The following MYRIP variants were observed in gnomAD, a reference collection of about 807,000 sequenced individuals.
The protein encoded by MYRIP is rab effector MyRIP.
A neutral mutation model predicts 98.0 loss-of-function variants in MYRIP; 49 were observed. The ratio of observed to expected loss-of-function variants is 0.50; its 90% CI spans 0.40 to 0.63. The LOEUF (loss-of-function observed/expected upper bound fraction) is 0.63, where lower values mean the gene tolerates loss of function less well. Ranked by LOEUF, MYRIP falls within the 30% of genes least tolerant of loss-of-function variation. The probability of loss-of-function intolerance (pLI) is 0.00; values close to 1 mark genes in which losing one functional copy is unlikely to be tolerated. For missense variants in MYRIP, 1,004 were observed against 1,058.2 expected, an observed-to-expected ratio of 0.95 and a Z score of 0.71; for synonymous variants, 404 against 409.5, an observed-to-expected ratio of 0.99 and a Z score of 0.16.
At chr3:40,171,729 C>G (rs763532554) in intron 8 of MYRIP, among the ~76,000 whole-genome samples, 1 of 152,254 alleles carries the variant, frequency 6.6e-6, no homozygotes, top group Non-Finnish European at 1.5e-5. Context: ...TAAAGGATGG[C>G]TCCAAGGATT....
chr3:40,144,507 C>T lies in MYRIP; in HGVS notation c.333-6541C>T, dbSNP rs145864593. Among the ~76,000 whole-genome samples, 381 of 152,330 alleles carry T rather than the reference C, an allele frequency of 2.5e-3. 3 individuals are homozygous for T. Among genetic ancestry groups the T allele is most frequent in the African/African-American group, 8.7e-3 (360 of 41,580 alleles). On this transcript the variant is annotated intron_variant, in intron 3 of 16. Transcript: ENST00000302541. ...GGGGCACAGTAACAACTATCCTCCA[C>T]TGATACCATGTGGACCCTTCCAGCT...
chr3:40,019,362 G>T (rs188395931), intron 2 of MYRIP, among the ~76,000 whole-genome samples: 42 of 152,132 alleles, frequency 2.8e-4, no homozygotes, highest in Non-Finnish European at 5.6e-4. Flanking sequence ...TTTGTACAAG[G>T]TGTCTTCTCT....
chr3:40,082,936 C>T (rs557345557), intron 3 of MYRIP, among the ~76,000 whole-genome samples: 61 of 152,200 alleles, frequency 4.0e-4, no homozygotes, highest in Middle Eastern at 3.4e-3. Flanking sequence ...TAAAATAGGC[C>T]AGAATAATAT....
At chr3:40,141,408 C>T (rs981883304) in intron 3 of MYRIP, among the ~76,000 whole-genome samples, 4 of 152,136 alleles carry the variant, frequency 2.6e-5, no homozygotes, top group Non-Finnish European at 5.9e-5. Flanking sequence ...GTTGTCTTTT[C>T]ACTCTGTCAG....
At chr3:40,210,899 T>C (rs1319111564) in intron 11 of MYRIP, among the ~76,000 whole-genome samples, 1 of 152,164 alleles carries the variant, frequency 6.6e-6, no homozygotes, top group Non-Finnish European at 1.5e-5. Context: ...CAAAGCACAT[T>C]TATGCTAGAC....
At chr3:40,058,958 G>T (rs536699595) in intron 3 of MYRIP, among the ~76,000 whole-genome samples, 1,572 of 57,960 alleles carry the variant, frequency 0.027, 9 homozygotes, top group Admixed American at 0.053. Context: ...AACAGGCCCC[G>T]GTGTGTGATG....
chr3:40,180,485 C>T (rs1012790747), intron 8 of MYRIP, among the ~76,000 whole-genome samples: 3 of 152,174 alleles, frequency 2.0e-5, no homozygotes, highest in Non-Finnish European at 4.4e-5. Context: ...AACATAAGTA[C>T]AGAAGAAGCC....
At chr3:40,119,513 G>A (rs62261794) in intron 3 of MYRIP, among the ~76,000 whole-genome samples, 8,484 of 152,254 alleles carry the variant, frequency 0.056, 341 homozygotes, top group Non-Finnish European at 0.083. Flanking sequence ...CTGGAGACGG[G>A]AACTGGAGGT....
chr3:40,217,786 A>G (rs1952169630), intron 11 of MYRIP, among the ~76,000 whole-genome samples: 1 of 152,172 alleles, frequency 6.6e-6, no homozygotes, highest in African/African-American at 2.4e-5. Flanking sequence ...TTACTATTAA[A>G]TGACAGAAAG....
chr3:40,140,768 A>C (rs1949875815), intron 3 of MYRIP, among the ~76,000 whole-genome samples: 1 of 151,964 alleles, frequency 6.6e-6, no homozygotes, highest in African/African-American at 2.4e-5. Flanking sequence ...GTCTTTTTTA[A>C]AATTTTTTGT....
intron 2 of MYRIP, among the ~76,000 whole-genome samples, chr3:40,024,413 G>A (rs1057465175): frequency 6.6e-6 from 1 of 152,118 alleles, no homozygotes; most frequent in African/African-American, 2.4e-5. Flanking sequence ...GTGGTGGGAG[G>A]TGCAGGAGGC....
rs1943861716 is a variant in MYRIP at position 39,905,656 on chromosome 3, G to C, written c.110+4730G>C. 2.0e-5 allele frequency among the ~76,000 whole-genome samples: 3 copies of C among 152,232 alleles called. No individual in the cohort carries two copies. In the South Asian group the frequency reaches 6.2e-4, roughly 32 times the overall value. On this transcript the variant is annotated intron_variant, in intron 2 of 16. Coordinates refer to ENST00000302541, the MANE Select transcript of MYRIP (RefSeq NM_015460.4). ...GCTTTACTCTCATACATACAAGGTT[G>C]GGGCATTCACCCGCTGTTCCAAAAA...
intron 4 of MYRIP, among the ~76,000 whole-genome samples, chr3:40,159,470 G>A (rs1950327147): frequency 6.6e-6 from 1 of 151,728 alleles, no homozygotes; most frequent in African/African-American, 2.4e-5. Flanking sequence ...ACAATTATGT[G>A]TCTTGGAGTT....
rs1351946061 is a variant in MYRIP at position 39,912,066 on chromosome 3, C to T, written c.110+11140C>T. 5.9e-5 allele frequency among the ~76,000 whole-genome samples: 9 copies of T among 151,992 alleles called. No individual in the cohort carries two copies. The East Asian group carries it at 1.7e-3, about 29-fold the overall frequency. ...CTGGAAACCAGGTTGCCTTAAATTG[C>T]CAGGAGAGCCAGCCTCCCTGGCCTG... is the stretch of plus-strand genomic sequence containing the variant. On this transcript the variant is annotated intron_variant, in intron 2 of 16. Coordinates refer to ENST00000302541, the MANE Select transcript of MYRIP (RefSeq NM_015460.4).
intron 1 of MYRIP, among the ~76,000 whole-genome samples, chr3:39,882,868 C>G (rs368418716): frequency 1.3e-5 from 2 of 151,986 alleles, no homozygotes; most frequent in African/African-American, 4.8e-5. Context: ...GCCCCCCCTC[C>G]GCATTAATAT....
rs1310637054 is a variant in MYRIP, at chr3:40,244,580, A to G, written c.2235A>G (p.Ala745=). ...TGGAGGACCAGGTGGCCACGGCTGCAGCCCAAGTCCACCATGCTGAACTCC... is the reference window on the plus strand; with the variant it reads ...TGGAGGACCAGGTGGCCACGGCTGCGGCCCAAGTCCACCATGCTGAACTCC... The part of the protein sequence containing the change: ...ADLEDQVATA[A]AQVHHAELQI... Residue 745 remains alanine (A), a synonymous_variant, in exon 13 of 17, where the codon GCA becomes GCG. Coordinates refer to ENST00000302541, the MANE Select transcript of MYRIP (RefSeq NM_015460.4). 2 of 1,613,702 alleles carry G rather than the reference A, an allele frequency of 1.2e-6. No homozygotes were observed. The highest frequency in any genetic ancestry group is 1.7e-6 in the Non-Finnish European group (2 of 1,179,812).
At chr3:39,820,108 G>A (rs112765253) in intron 1 of MYRIP, among the ~76,000 whole-genome samples, 17 of 152,262 alleles carry the variant, frequency 1.1e-4, no homozygotes, top group African/African-American at 2.2e-4. Context: ...AATGCAAAAC[G>A]TGTGTGCCCC....
intron 2 of MYRIP, among the ~76,000 whole-genome samples, chr3:39,910,842 T>G (rs1160101169): frequency 6.6e-6 from 1 of 152,226 alleles, no homozygotes; most frequent in Non-Finnish European, 1.5e-5. Context: ...AAAAGTAAGC[T>G]TTCTTTCCCA....
Position 40,015,460 on chromosome 3 carries a change from A to G in MYRIP, c.111-28590A>G, listed in dbSNP as rs1196081260. Among the ~76,000 whole-genome samples, 4 of 152,364 alleles carry G rather than the reference A, an allele frequency of 2.6e-5. No homozygotes were observed. In the South Asian group the frequency reaches 8.3e-4, roughly 32 times the overall value. ...CAGGCTCACCTTTCACAGAGGCTAC[A>G]GTAACATTCCAAGAACATCTCCCTC... is the stretch of plus-strand genomic sequence containing the variant. On this transcript the variant is annotated intron_variant, in intron 2 of 16. Transcript: ENST00000302541.
Sources: gnomAD v4.1 joint callset for allele counts (sites outside exome capture counted in the v4.1 genomes callset) on GRCh38, gnomAD v4.1.1 for gene constraint, MANE v1.5 for transcripts, NCBI Gene and HGNC (gene_info 2026-07-23, HGNC 2026-07-21) for gene names.